Variants in LDB2 observed in about 807,000 individuals in gnomAD.
LDB2 encodes the protein LIM domain binding 2, also known as LIM domain-binding protein 2.
Under a neutral mutation model 44.3 loss-of-function variants are expected in LDB2, and 12 were observed. The ratio of observed to expected loss-of-function variants is 0.27; its 90% CI spans 0.17 to 0.44. The LOEUF (loss-of-function observed/expected upper bound fraction) is 0.44, where lower values mean the gene tolerates loss of function less well. Ranked by LOEUF, LDB2 falls within the 20% of genes least tolerant of loss-of-function variation. The pLI, the probability that LDB2 is intolerant of heterozygous loss-of-function variation, is 1.00. For missense variants in LDB2, 344 were observed against 473.5 expected (o/e 0.73, Z 2.54); for synonymous variants, 164 against 174.8 (o/e 0.94, Z 0.49).
At chr4:16,692,017 G>A (rs1355456099) in intron 2 of LDB2, among the ~76,000 whole-genome samples, 4 of 152,002 alleles carry the variant, frequency 2.6e-5, no homozygotes, top group African/African-American at 9.7e-5. Context: ...TGACTTTATT[G>A]TGCTGAATCT....
In LDB2 at chr4:16,739,573, GAAAAAA is replaced by G. The variant is rs577466407; in HGVS notation, c.235+19579_235+19584del. ...TGCACTCCAGCCTCGGTGACAGAGG[GAAAAAA>G]AAAAAAAAAAATATATATATATATA... is the stretch of plus-strand genomic sequence containing the variant. On this transcript the variant is annotated intron_variant, in intron 2 of 7. Coordinates refer to ENST00000304523, the MANE Select transcript of LDB2 (RefSeq NM_001290.5). Among the ~76,000 whole-genome samples the G allele has an allele frequency of 2.4e-3, 89 of 37,622 alleles. 3 individuals carry two copies. The highest frequency in any genetic ancestry group is 9.8e-3 in the East Asian group (8 of 814). The allele number at this position is 37,622 out of a possible 152,430, so 24.7% of individuals were successfully genotyped here. A position where few individuals can be genotyped will look rare whatever the true frequency, so the allele number is the denominator to read the frequency against.
chr4:16,808,069 A>C (rs1438745307), intron 1 of LDB2, among the ~76,000 whole-genome samples: 2 of 152,154 alleles, frequency 1.3e-5, no homozygotes, highest in African/African-American at 2.4e-5. Flanking sequence ...ACCTTTACAC[A>C]CTCAATATAG....
At chr4:16,672,092 A>G (rs745511051) in intron 2 of LDB2, among the ~76,000 whole-genome samples, 1 of 152,164 alleles carries the variant, frequency 6.6e-6, no homozygotes, top group Admixed American at 6.5e-5. Flanking sequence ...CTGAGCACTT[A>G]CCAGGTGCCT....
At chr4:16,657,172 C>A (rs923729653) in intron 2 of LDB2, among the ~76,000 whole-genome samples, 3 of 152,168 alleles carry the variant, frequency 2.0e-5, no homozygotes, top group Non-Finnish European at 4.4e-5. Context: ...CATTTCTTCT[C>A]AACACTCAAC....
chr4:16,595,456 T>C (rs1388212714), intron 3 of LDB2, among the ~76,000 whole-genome samples: 1 of 152,102 alleles, frequency 6.6e-6, no homozygotes, highest in East Asian at 1.9e-4. Flanking sequence ...CTAGAACCTC[T>C]CTTCCTCTTA....
chr4:16,626,296 A>C (rs956013962), intron 2 of LDB2, among the ~76,000 whole-genome samples: 6 of 152,204 alleles, frequency 3.9e-5, no homozygotes, highest in Admixed American at 6.5e-5. Context: ...CTTGGAGAAC[A>C]TGAGATTTTT....
chr4:16,663,311 C>T (rs1158876382), intron 2 of LDB2, among the ~76,000 whole-genome samples: 1 of 152,194 alleles, frequency 6.6e-6, no homozygotes, highest in Non-Finnish European at 1.5e-5. Flanking sequence ...TGATTTACAG[C>T]ACTTACCAAT....
intron 2 of LDB2, among the ~76,000 whole-genome samples, chr4:16,616,782 C>T (rs1727465300): frequency 6.6e-6 from 1 of 152,100 alleles, no homozygotes; most frequent in African/African-American, 2.4e-5. Context: ...GAGTAAAAGT[C>T]CCCTGACACC....
intron 2 of LDB2, among the ~76,000 whole-genome samples, chr4:16,730,396 T>C (rs543570120): frequency 6.6e-6 from 1 of 152,314 alleles, no homozygotes; most frequent in South Asian, 2.1e-4. Context: ...ACAGGGCAGA[T>C]CTTGTTCTTA....
intron 1 of LDB2, among the ~76,000 whole-genome samples, chr4:16,800,779 A>G (rs1417697614): frequency 6.6e-6 from 1 of 152,164 alleles, no homozygotes; most frequent in Non-Finnish European, 1.5e-5. Flanking sequence ...GGTTCACGCC[A>G]TTCTCCTGCC....
At chr4:16,715,927 G>C (rs1465923096) in intron 2 of LDB2, among the ~76,000 whole-genome samples, 1 of 152,118 alleles carries the variant, frequency 6.6e-6, no homozygotes, top group East Asian at 1.9e-4. Flanking sequence ...ACTTAAGGCA[G>C]AGTTTATAGC....
At chr4:16,557,870 T>C (rs1420610047) in intron 5 of LDB2, among the ~76,000 whole-genome samples, 1 of 152,122 alleles carries the variant, frequency 6.6e-6, no homozygotes, top group Non-Finnish European at 1.5e-5. Flanking sequence ...GAGACAAAAC[T>C]TCCAGAGGAA....
At chr4:16,622,700 CCT>C (rs764197532) in intron 2 of LDB2, among the ~76,000 whole-genome samples, 88 of 152,176 alleles carry the variant, frequency 5.8e-4, no homozygotes, top group Non-Finnish European at 1.2e-3. Flanking sequence ...CTTAATTTTC[CCT>C]GTTAATATTC....
intron 2 of LDB2, among the ~76,000 whole-genome samples, chr4:16,665,125 A>C (rs545612035): frequency 8.5e-5 from 13 of 152,322 alleles, no homozygotes; most frequent in African/African-American, 3.1e-4. Flanking sequence ...TGAGCAGAAA[A>C]GAGTAAAAAG....
intron 1 of LDB2, among the ~76,000 whole-genome samples, chr4:16,843,029 C>T (rs1406591761): frequency 6.6e-6 from 1 of 152,130 alleles, no homozygotes; most frequent in African/African-American, 2.4e-5. Flanking sequence ...GACAGTCTTA[C>T]CACGCAGCCA....
chr4:16,769,837 C>T (rs1255215797), intron 1 of LDB2, among the ~76,000 whole-genome samples: 1 of 152,194 alleles, frequency 6.6e-6, no homozygotes, highest in Admixed American at 6.5e-5. Flanking sequence ...TTAGAAGGTG[C>T]TCACTATAGT....
intron 2 of LDB2, chr4:16,726,206 T>A (rs1213274786): frequency 6.6e-6 from 1 of 152,138 alleles, no homozygotes; most frequent in African/African-American, 2.4e-5. Flanking sequence ...CTACTAACAA[T>A]GCATGTAGCT....
chr4:16,807,621 G>A (rs1779031431), intron 1 of LDB2, among the ~76,000 whole-genome samples: 1 of 152,186 alleles, frequency 6.6e-6, no homozygotes, highest in Non-Finnish European at 1.5e-5. Context: ...TATTTCATTT[G>A]CTATACTGCA....
chr4:16,654,159 G>A (rs1379094125), intron 2 of LDB2, among the ~76,000 whole-genome samples: 1 of 152,184 alleles, frequency 6.6e-6, no homozygotes, highest in Non-Finnish European at 1.5e-5. Flanking sequence ...ATTTGAGGGT[G>A]AGAACCTTGA....
Sources: gnomAD v4.1 joint callset for allele counts (sites outside exome capture counted in the v4.1 genomes callset) on GRCh38, gnomAD v4.1.1 for gene constraint, MANE v1.5 for transcripts, NCBI Gene and HGNC (gene_info 2026-07-23, HGNC 2026-07-21) for gene names.